Variants in EPHA5 observed in about 807,000 individuals in gnomAD.
EPHA5 encodes the protein EPH receptor A5.
In EPHA5, 60 loss-of-function variants were observed where a neutral mutation model predicts 105.0. The observed-to-expected ratio is 0.57, with a 90% CI of 0.46 to 0.71. The LOEUF is 0.71. Ranked by LOEUF, EPHA5 falls within the 30% of genes least tolerant of loss-of-function variation. The pLI, the probability that EPHA5 is intolerant of heterozygous loss-of-function variation, is 0.00. For synonymous variants in EPHA5, 513 were observed against 449.1 expected (o/e 1.14, Z -1.80); for missense variants, 1,218 against 1,274.7 (o/e 0.96, Z 0.68).
chr4:65,333,527 GAGAGTGTGTGT>G (rs1720861256), intron 15 of EPHA5, among the ~76,000 whole-genome samples: 2 of 112,878 alleles, frequency 1.8e-5, no homozygotes, highest in Admixed American at 2.0e-4. Flanking sequence ...GTGTGCGTGT[GAGAGTGTGTGT>G]CTGTGTGTGT....
intron 3 of EPHA5, among the ~76,000 whole-genome samples, chr4:65,504,205 A>G (rs1432462330): frequency 1.3e-5 from 2 of 151,384 alleles, no homozygotes; most frequent in Non-Finnish European, 3.0e-5. Flanking sequence ...ATTCAGAGAA[A>G]GAGATTATTA....
At chr4:65,574,710 A>G (rs1180304844) in intron 3 of EPHA5, among the ~76,000 whole-genome samples, 1 of 79,588 alleles carries the variant, frequency 1.3e-5, no homozygotes, top group Non-Finnish European at 2.6e-5. Flanking sequence ...ATATATATAC[A>G]TATATATATA....
At chr4:65,439,765 A>T (rs1725835199) in intron 5 of EPHA5, among the ~76,000 whole-genome samples, 2 of 152,146 alleles carry the variant, frequency 1.3e-5, no homozygotes, top group South Asian at 4.1e-4. Context: ...TCTGTACACA[A>T]TGTACCTGTA....
intron 1 of EPHA5, among the ~76,000 whole-genome samples, chr4:65,657,787 G>C (rs1196021002): frequency 6.7e-6 from 1 of 149,306 alleles, no homozygotes; most frequent in Non-Finnish European, 1.5e-5. Flanking sequence ...CAAATGTATA[G>C]ATTATAACAT....
chr4:65,384,142 C>A (rs1427990480), intron 8 of EPHA5, among the ~76,000 whole-genome samples: 1 of 151,844 alleles, frequency 6.6e-6, no homozygotes, highest in Non-Finnish European at 1.5e-5. Context: ...GCTAAGGAGT[C>A]ACAGGAAACT....
chr4:65,441,823 ATAAT>A lies in EPHA5; in HGVS notation c.1403-21262_1403-21259del, dbSNP rs1436888556. 2.0e-5 allele frequency among the ~76,000 whole-genome samples: 3 copies of A among 152,098 alleles called. No individual in the cohort carries two copies. In the East Asian group the frequency reaches 5.8e-4, roughly 29 times the overall value. ...AGAAATATAATCTAAGCTAAATAGA[ATAAT>A]TATCAAGGAAATCTACTAGCTAGCC... On this transcript the variant is annotated intron_variant, in intron 5 of 16. Transcript: ENST00000613740.
At chr4:65,556,708 T>C (rs918775628) in intron 3 of EPHA5, among the ~76,000 whole-genome samples, 3 of 152,180 alleles carry the variant, frequency 2.0e-5, no homozygotes, top group African/African-American at 7.2e-5. Context: ...AATAGAGCGT[T>C]ATTTTCAGCA....
At chr4:65,526,203 T>C (rs947306609) in intron 3 of EPHA5, among the ~76,000 whole-genome samples, 2 of 151,834 alleles carry the variant, frequency 1.3e-5, no homozygotes, top group Non-Finnish European at 2.9e-5. Flanking sequence ...ACTACATGGA[T>C]ATAAAGGGAA....
At chr4:65,611,978 C>G (rs1744802935) in intron 2 of EPHA5, among the ~76,000 whole-genome samples, 1 of 135,560 alleles carries the variant, frequency 7.4e-6, no homozygotes, top group Admixed American at 8.4e-5. Context: ...GATCAGGCCA[C>G]TGCACTCCAG....
rs1746228706 is a variant in EPHA5, at chr4:65,627,156, ACT to A, written c.246+16205_246+16206del. On this transcript the variant is annotated intron_variant, in intron 2 of 16. Coordinates refer to ENST00000613740, the MANE Select transcript of EPHA5 (RefSeq NM_001281766.3). ...ATACTTCATTATGATAAAGAGAAAA[ACT>A]CTTTCTACACTTATTTCTATCACTG... Among the ~76,000 whole-genome samples the A allele has an allele frequency of 2.6e-5, 4 of 152,088 alleles. 1 individual carries two copies. The South Asian group carries it at 8.3e-4, about 32-fold the overall frequency.
intron 1 of EPHA5, among the ~76,000 whole-genome samples, chr4:65,657,325 T>A (rs189094334): frequency 4.6e-5 from 7 of 152,136 alleles, no homozygotes; most frequent in African/African-American, 7.2e-5. Context: ...GCAAAAAAAA[T>A]TTATGTTATG....
At chr4:65,527,769 G>A (rs78500487) in intron 3 of EPHA5, among the ~76,000 whole-genome samples, 2,849 of 152,062 alleles carry the variant, frequency 0.019, 47 homozygotes, top group Non-Finnish European at 0.025. Flanking sequence ...GAGGGCTATC[G>A]TACAGGTCAT....
intron 13 of EPHA5, among the ~76,000 whole-genome samples, chr4:65,348,748 CATATATAT>C (rs10633854): frequency 2.7e-5 from 2 of 73,116 alleles, no homozygotes; most frequent in African/African-American, 5.0e-5. Flanking sequence ...TATGTGTGTG[CATATATAT>C]ATGTGTATAT....
intron 5 of EPHA5, among the ~76,000 whole-genome samples, chr4:65,484,297 A>T (rs1730670598): frequency 6.6e-6 from 1 of 152,160 alleles, no homozygotes; most frequent in Non-Finnish European, 1.5e-5. Context: ...AACACTGATC[A>T]TTTCAATATT....
intron 3 of EPHA5, among the ~76,000 whole-genome samples, chr4:65,543,991 T>C (rs1054471865): frequency 6.6e-6 from 1 of 152,110 alleles, no homozygotes; most frequent in Non-Finnish European, 1.5e-5. Flanking sequence ...CCCTATTTAA[T>C]AAATGTTGCT....
intron 3 of EPHA5, among the ~76,000 whole-genome samples, chr4:65,561,156 T>C (rs980736527): frequency 6.6e-6 from 1 of 151,864 alleles, no homozygotes; most frequent in Non-Finnish European, 1.5e-5. Flanking sequence ...GTACCAACTG[T>C]AACATTTTTA....
intron 8 of EPHA5, among the ~76,000 whole-genome samples, chr4:65,378,434 C>T (rs1253833698): frequency 5.9e-5 from 9 of 151,896 alleles, no homozygotes; most frequent in African/African-American, 2.2e-4. Context: ...TACAGTAACA[C>T]CTGTTGCATT....
At chr4:65,403,959 C>T (rs563221340) in intron 8 of EPHA5, among the ~76,000 whole-genome samples, 4 of 152,166 alleles carry the variant, frequency 2.6e-5, no homozygotes, top group Admixed American at 2.0e-4. Context: ...GGATAGAATG[C>T]TGACTAAATA....
intron 3 of EPHA5, among the ~76,000 whole-genome samples, chr4:65,567,852 C>T (rs1041985625): frequency 2.6e-5 from 4 of 151,418 alleles, no homozygotes; most frequent in African/African-American, 9.7e-5. Flanking sequence ...CCTATATTGT[C>T]AGACTTATAG....
Sources: gnomAD v4.1 joint callset for allele counts (sites outside exome capture counted in the v4.1 genomes callset) on GRCh38, gnomAD v4.1.1 for gene constraint, MANE v1.5 for transcripts, NCBI Gene and HGNC (gene_info 2026-07-23, HGNC 2026-07-21) for gene names.